Variants in TANC2 observed in about 807,000 individuals in gnomAD.
TANC2 encodes protein TANC2.
TANC2 carries 26 observed loss-of-function variants against 210.5 expected under a neutral mutation model. The ratio of observed to expected loss-of-function variants is 0.12; its 90% CI spans 0.09 to 0.17. The LOEUF (loss-of-function observed/expected upper bound fraction) is 0.17. Ranked by LOEUF, TANC2 falls within the 10% of genes least tolerant of loss-of-function variation. The pLI is 1.00. For synonymous variants in TANC2, 931 were observed against 967.1 expected (o/e 0.96, Z 0.69); for missense variants, 2,129 against 2,608.9 (o/e 0.82, Z 4.01).
chr17:63,246,568 G>A (rs979903471), intron 8 of TANC2, among the ~76,000 whole-genome samples: 1 of 152,044 alleles, frequency 6.6e-6, no homozygotes, highest in African/African-American at 2.4e-5. Flanking sequence ...GAGTCATATG[G>A]TATGTCGTCT....
intron 11 of TANC2, among the ~76,000 whole-genome samples, chr17:63,322,017 A>G (rs2045510333): frequency 6.6e-6 from 1 of 152,132 alleles, no homozygotes; most frequent in South Asian, 2.1e-4. Flanking sequence ...TTTCATAGAA[A>G]TACACTCCAG....
intron 2 of TANC2, among the ~76,000 whole-genome samples, chr17:63,021,304 A>G (rs1012409348): frequency 1.3e-5 from 2 of 152,248 alleles, no homozygotes; most frequent in Non-Finnish European, 2.9e-5. Flanking sequence ...ACCAGAAGTC[A>G]TGTTGAGGCA....
chr17:63,048,553 AT>A (rs2035464802), intron 2 of TANC2, among the ~76,000 whole-genome samples: 2 of 152,166 alleles, frequency 1.3e-5, no homozygotes, highest in African/African-American at 2.4e-5. Context: ...CATTTGTTGA[AT>A]AGGGAGTCCT....
chr17:63,028,537 C>T (rs1374386836), intron 2 of TANC2, among the ~76,000 whole-genome samples: 1 of 152,074 alleles, frequency 6.6e-6, no homozygotes, highest in African/African-American at 2.4e-5. Flanking sequence ...AAGGGCTTGT[C>T]TTACAAGGTT....
At chr17:63,262,899 C>A (rs1180940177) in intron 8 of TANC2, among the ~76,000 whole-genome samples, 2 of 152,116 alleles carry the variant, frequency 1.3e-5, no homozygotes, top group African/African-American at 4.8e-5. Flanking sequence ...GTTTTAACTT[C>A]AGAATGCTGA....
chr17:63,339,569 A>C (rs1450364650), intron 11 of TANC2, among the ~76,000 whole-genome samples: 3 of 152,202 alleles, frequency 2.0e-5, no homozygotes, highest in African/African-American at 7.2e-5. Context: ...GGTGCTCAGA[A>C]AACATTTAAT....
intron 1 of TANC2, among the ~76,000 whole-genome samples, chr17:62,998,003 C>T (rs1351058056): frequency 2.0e-5 from 3 of 152,058 alleles, no homozygotes; most frequent in Non-Finnish European, 4.4e-5. Context: ...AGTCAAAACC[C>T]AATACCAGGA....
At chr17:63,319,630 C>T (rs578159146) in intron 11 of TANC2, among the ~76,000 whole-genome samples, 2 of 152,318 alleles carry the variant, frequency 1.3e-5, no homozygotes, top group East Asian at 3.9e-4. Context: ...GGATTACAGG[C>T]GTGAGCCACT....
chr17:63,095,188 T>TC (rs2144849829), intron 3 of TANC2, among the ~76,000 whole-genome samples: 1 of 152,180 alleles, frequency 6.6e-6, no homozygotes, highest in South Asian at 2.1e-4. Flanking sequence ...GTTGTTTTTT[T>TC]CAGTAGAGAC....
intron 11 of TANC2, chr17:63,320,387 G>A (rs2045457335): frequency 6.6e-6 from 1 of 152,140 alleles, no homozygotes; most frequent in South Asian, 2.1e-4. Context: ...TTACCACCTT[G>A]TTCTCCTGGG....
chr17:63,152,427 A>G (rs2039684588), intron 5 of TANC2: 1 of 152,112 alleles, frequency 6.6e-6, no homozygotes, highest in African/African-American at 2.4e-5. Context: ...TTATGAGTCA[A>G]TTTTGAATAC....
chr17:63,307,381 C>T (rs1199120355), intron 9 of TANC2, among the ~76,000 whole-genome samples: 3 of 152,240 alleles, frequency 2.0e-5, no homozygotes, highest in African/African-American at 4.8e-5. Context: ...CACCCTGCTG[C>T]CCTTTCCTAT....
intron 7 of TANC2, among the ~76,000 whole-genome samples, chr17:63,233,516 C>T (rs1567838345): frequency 6.6e-6 from 1 of 152,242 alleles, no homozygotes; most frequent in East Asian, 1.9e-4. Context: ...TGGCTCCACC[C>T]TGCTTTTTCC....
chr17:63,033,875 A>G (rs2034870667), intron 2 of TANC2, among the ~76,000 whole-genome samples: 2 of 152,292 alleles, frequency 1.3e-5, no homozygotes, highest in Middle Eastern at 6.8e-3. Context: ...GAAGTTTTTA[A>G]AAACTATAAA....
intron 2 of TANC2, among the ~76,000 whole-genome samples, chr17:63,066,457 A>G (rs1296124306): frequency 6.6e-6 from 1 of 152,060 alleles, no homozygotes; most frequent in African/African-American, 2.4e-5. Flanking sequence ...CTAGGTTTAC[A>G]TTGTAGTTCA....
chr17:63,166,281 G>A (rs1012079857), intron 5 of TANC2, among the ~76,000 whole-genome samples: 10 of 151,912 alleles, frequency 6.6e-5, no homozygotes, highest in African/African-American at 2.4e-4. Flanking sequence ...AGTTTGTAAT[G>A]TCATAAAAAT....
At chr17:63,316,141 T>A (rs1433805227) in intron 10 of TANC2, among the ~76,000 whole-genome samples, 3 of 152,242 alleles carry the variant, frequency 2.0e-5, no homozygotes, top group East Asian at 3.8e-4. Flanking sequence ...TCTGCTAAAA[T>A]TTTGATTCTG....
chr17:63,019,782 A>C (rs2034268340), intron 2 of TANC2, among the ~76,000 whole-genome samples: 1 of 151,420 alleles, frequency 6.6e-6, no homozygotes, highest in South Asian at 2.1e-4. Context: ...CTTTGGTGAA[A>C]TATCTCTTCA....
In TANC2 at chr17:63,051,975, G is replaced by T. The variant is rs544465453; in HGVS notation, c.68-21968G>T. On this transcript the variant is annotated intron_variant, in intron 2 of 27. Coordinates refer to ENST00000689528, the Ensembl canonical transcript of TANC2. Reference sequence around the variant, plus strand: ...TCAAGACATAACCCTGTCGTAAGGTGAGGAAAAAACATAGTGCACATCCTG... The same window carrying T: ...TCAAGACATAACCCTGTCGTAAGGTTAGGAAAAAACATAGTGCACATCCTG... 2.6e-5 allele frequency among the ~76,000 whole-genome samples: 4 copies of T among 152,278 alleles called. No homozygotes were observed. The East Asian group carries it at 7.7e-4, about 29-fold the overall frequency.
Sources: gnomAD v4.1 joint callset for allele counts (sites outside exome capture counted in the v4.1 genomes callset) on GRCh38, gnomAD v4.1.1 for gene constraint, MANE v1.5 for transcripts, NCBI Gene and HGNC (gene_info 2026-07-23, HGNC 2026-07-21) for gene names.